The following ESRRB variants were observed in gnomAD, a reference collection of about 807,000 sequenced individuals.
The protein encoded by ESRRB is steroid hormone receptor ERR2.
Under a neutral mutation model 46.0 loss-of-function variants are expected in ESRRB, and 16 were observed. That is an observed-to-expected ratio of 0.35 (90% CI 0.24 to 0.53). ESRRB has a LOEUF of 0.53. Ranked by LOEUF, ESRRB falls within the 20% of genes least tolerant of loss-of-function variation. ESRRB has a pLI of 0.93. For missense variants in ESRRB, 488 were observed against 607.4 expected (o/e 0.80, Z 2.07); for synonymous variants, 246 against 259.6 (o/e 0.95, Z 0.50).
intron 1 of ESRRB, among the ~76,000 whole-genome samples, chr14:76,395,043 G>C (rs953686542): frequency 6.6e-6 from 1 of 152,138 alleles, no homozygotes; most frequent in Non-Finnish European, 1.5e-5. Flanking sequence ...TTCTCTCCCC[G>C]GGCCATCCCT....
intron 1 of ESRRB, among the ~76,000 whole-genome samples, chr14:76,325,434 G>C (rs549282603): frequency 6.6e-6 from 1 of 152,268 alleles, no homozygotes; most frequent in East Asian, 1.9e-4. Context: ...CTGCCTCAAG[G>C]GAAAGGAGAC....
At chr14:76,392,598 C>T (rs1367028849) in intron 1 of ESRRB, among the ~76,000 whole-genome samples, 2 of 152,178 alleles carry the variant, frequency 1.3e-5, no homozygotes, top group Admixed American at 6.5e-5. Context: ...TCTGTCTTGC[C>T]AGGCCCACCC....
intron 2 of ESRRB, among the ~76,000 whole-genome samples, chr14:76,440,096 G>A (rs953265370): frequency 6.6e-6 from 1 of 152,106 alleles, no homozygotes; most frequent in African/African-American, 2.4e-5. Context: ...TTTTGTGCGG[G>A]GGAAAAATAT....
At chr14:76,337,657 G>A (rs1282923896) in intron 1 of ESRRB, among the ~76,000 whole-genome samples, 1 of 152,150 alleles carries the variant, frequency 6.6e-6, no homozygotes, top group African/African-American at 2.4e-5. Context: ...TCCAGCAAAG[G>A]GCTTCTCAAA....
intron 1 of ESRRB, among the ~76,000 whole-genome samples, chr14:76,342,490 C>G (rs1245145053): frequency 6.6e-6 from 1 of 152,224 alleles, no homozygotes; most frequent in Admixed American, 6.5e-5. Flanking sequence ...TGACACCTGT[C>G]ATGATGCTGA....
At chr14:76,409,147 A>G (rs541015264) in intron 1 of ESRRB, among the ~76,000 whole-genome samples, 2 of 152,346 alleles carry the variant, frequency 1.3e-5, no homozygotes, top group Non-Finnish European at 2.9e-5. Flanking sequence ...AAAGCTGTGC[A>G]TGAGTGCACA....
chr14:76,489,984 G>A (rs756971261), intron 5 of ESRRB, among the ~76,000 whole-genome samples: 2 of 152,222 alleles, frequency 1.3e-5, no homozygotes, highest in Non-Finnish European at 2.9e-5. Context: ...CGGGAGAGGT[G>A]CCCAGCACTG....
intron 3 of ESRRB, among the ~76,000 whole-genome samples, chr14:76,476,740 G>C (rs983952171): frequency 6.6e-6 from 1 of 151,218 alleles, no homozygotes; most frequent in Non-Finnish European, 1.5e-5. Flanking sequence ...CGGCAGGGGC[G>C]CTCCAGCTCT....
upstream of ESRRB, among the ~76,000 whole-genome samples, chr14:76,366,752 C>A (rs1466881740): frequency 1.3e-5 from 2 of 152,112 alleles, no homozygotes; most frequent in Non-Finnish European, 2.9e-5. Context: ...ATGGTTCTAC[C>A]GCTTGGCTTT....
At chr14:76,469,925 TG>T in intron 3 of ESRRB, among the ~76,000 whole-genome samples, 1 of 134,432 alleles carries the variant, frequency 7.4e-6, no homozygotes, top group East Asian at 2.1e-4. Context: ...CTGTGTTTTT[TG>T]TTGTTTTTTT....
At chr14:76,465,885 C>A (rs1440583323) in intron 3 of ESRRB, among the ~76,000 whole-genome samples, 1 of 152,252 alleles carries the variant, frequency 6.6e-6, no homozygotes, top group Admixed American at 6.5e-5. Flanking sequence ...TTTCTGTCCC[C>A]TGCAGGGCCT....
chr14:76,486,845 C>A (rs1890042304), intron 5 of ESRRB, among the ~76,000 whole-genome samples: 1 of 152,144 alleles, frequency 6.6e-6, no homozygotes, highest in East Asian at 1.9e-4. Flanking sequence ...TCTTCAGGGG[C>A]CTCTTGGTCC....
intron 3 of ESRRB, among the ~76,000 whole-genome samples, chr14:76,474,926 A>G (rs1889515392): frequency 7.0e-6 from 1 of 143,204 alleles, no homozygotes; most frequent in Admixed American, 6.9e-5. Context: ...CCCATCTACC[A>G]AAAAAAAAAA....
At chr14:76,326,473 A>C (rs574879941) in intron 1 of ESRRB, among the ~76,000 whole-genome samples, 1 of 152,334 alleles carries the variant, frequency 6.6e-6, no homozygotes, top group Admixed American at 6.5e-5. Context: ...AAAGGGAACA[A>C]TAAAATCCAA....
upstream of ESRRB, among the ~76,000 whole-genome samples, chr14:76,372,381 C>T (rs1479182973): frequency 3.7e-4 from 2 of 5,440 alleles, no homozygotes; most frequent in Non-Finnish European, 6.2e-4. Context: ...TCCTTTTTCC[C>T]TCCCAGGAAA....
At chr14:76,321,014 G>T (rs1455024051) in intron 1 of ESRRB, among the ~76,000 whole-genome samples, 1 of 151,846 alleles carries the variant, frequency 6.6e-6, no homozygotes, top group South Asian at 2.1e-4. Context: ...CCATTTTCTG[G>T]GTCCCTCTGT....
chr14:76,487,280 T>C (rs1890056364), intron 5 of ESRRB, among the ~76,000 whole-genome samples: 1 of 152,218 alleles, frequency 6.6e-6, no homozygotes, highest in African/African-American at 2.4e-5. Context: ...GCTGTTATGA[T>C]TTCCATTTTA....
In ESRRB at chr14:76,463,164, T is replaced by C. The variant is rs143282980; in HGVS notation, c.577+503T>C. 521 of 215,120 alleles carry C rather than the reference T, an allele frequency of 2.4e-3. 1 individual carries two copies. Among genetic ancestry groups the C allele is most frequent in the African/African-American group, 0.011 (480 of 43,482 alleles). The allele number at this position is 215,120 out of a possible 1,614,324, so 13.3% of individuals were successfully genotyped here. On this transcript the variant is annotated intron_variant, in intron 3 of 6. Coordinates refer to ENST00000644823, the MANE Select transcript of ESRRB (RefSeq NM_001379180.1). ...CCCTTCCTTGTTCCCTCTCTTCCCA[T>C]CCTCTCCCTTCCCTCTCCTTTCTCT... is the stretch of plus-strand genomic sequence containing the variant.
chr14:76,422,292 C>G (rs1409133482), intron 1 of ESRRB, among the ~76,000 whole-genome samples: 1 of 150,128 alleles, frequency 6.7e-6, no homozygotes, highest in African/African-American at 2.5e-5. Context: ...CTCACTGCAA[C>G]CTCCGCCTCC....
Sources: allele counts gnomAD v4.1 joint callset (sites outside exome capture counted in the v4.1 genomes callset), GRCh38; gene constraint gnomAD v4.1.1; transcripts MANE v1.5; gene names NCBI Gene and HGNC (gene_info 2026-07-23, HGNC 2026-07-21).